CFAP299: variants seen among roughly 807,000 people sequenced by gnomAD.
CFAP299 encodes the protein cilia- and flagella-associated protein 299.
CFAP299 carries 21 observed loss-of-function variants against 27.0 expected under a neutral mutation model. The ratio of observed to expected loss-of-function variants is 0.78; its 90% CI spans 0.55 to 1.12. The LOEUF (loss-of-function observed/expected upper bound fraction) is 1.12, where lower values mean the gene tolerates loss of function less well. Ranked by LOEUF, CFAP299 falls within the 50% of genes most tolerant of loss-of-function variation. CFAP299 has a pLI of 0.00. For synonymous variants in CFAP299, 104 were observed against 98.1 expected, an observed-to-expected ratio of 1.06 and a Z score of -0.36; for missense variants, 310 against 276.6, an observed-to-expected ratio of 1.12 and a Z score of -0.86.
intron 2 of CFAP299, among the ~76,000 whole-genome samples, chr4:80,433,499 T>C (rs1267604148): frequency 2.0e-5 from 3 of 152,206 alleles, no homozygotes; most frequent in Non-Finnish European, 4.4e-5. Context: ...AAAACTATAA[T>C]TGAATATTTT....
intron 3 of CFAP299, among the ~76,000 whole-genome samples, chr4:80,736,427 T>C (rs1723876682): frequency 6.6e-6 from 1 of 151,864 alleles, no homozygotes; most frequent in Non-Finnish European, 1.5e-5. Flanking sequence ...GACAAAGGGC[T>C]AATATCCACA....
chr4:80,773,797 A>G (rs962924334), intron 3 of CFAP299, among the ~76,000 whole-genome samples: 1 of 151,948 alleles, frequency 6.6e-6, no homozygotes, highest in African/African-American at 2.4e-5. Context: ...TCTTTTAGAA[A>G]TTGTAATTTC....
intron 3 of CFAP299, among the ~76,000 whole-genome samples, chr4:80,653,636 T>C (rs1435735169): frequency 4.6e-5 from 7 of 152,148 alleles, no homozygotes; most frequent in African/African-American, 1.7e-4. Context: ...CTTCCATTTA[T>C]ATTCGTTTTG....
chr4:80,824,621 G>T (rs929000222), intron 3 of CFAP299, among the ~76,000 whole-genome samples: 1 of 152,122 alleles, frequency 6.6e-6, no homozygotes, highest in African/African-American at 2.4e-5. Context: ...GGATATGTAT[G>T]AGAGAAATTA....
intron 1 of CFAP299, among the ~76,000 whole-genome samples, chr4:80,354,645 A>G (rs886347657): frequency 2.0e-5 from 3 of 152,102 alleles, no homozygotes; most frequent in Non-Finnish European, 2.9e-5. Flanking sequence ...TACCCATAGT[A>G]GTTTTTCCTG....
intron 4 of CFAP299, among the ~76,000 whole-genome samples, chr4:80,941,749 G>A (rs1320808332): frequency 6.6e-6 from 1 of 152,138 alleles, no homozygotes; most frequent in African/African-American, 2.4e-5. Flanking sequence ...ATGCTTTTGG[G>A]GAGGTCTTAG....
Position 80,739,973 on chromosome 4 carries a change from G to A in CFAP299, c.334-130020G>A, listed in dbSNP as rs565959471. 1.9e-3 allele frequency among the ~76,000 whole-genome samples: 293 copies of A among 151,958 alleles called. 1 individual carries two copies. Among genetic ancestry groups the A allele is most frequent in the Non-Finnish European group, 3.4e-3 (229 of 67,968 alleles). On this transcript the variant is annotated intron_variant, in intron 3 of 5. Transcript: ENST00000358105. ...TGATGCATTCTTCATCATGTCATTT[G>A]CATTTTTAAACTCTAACATTTCTGC...
intron 2 of CFAP299, among the ~76,000 whole-genome samples, chr4:80,400,288 C>T (rs1029461068): frequency 6.6e-5 from 10 of 152,122 alleles, no homozygotes; most frequent in East Asian, 5.8e-4. Context: ...ACTTGTTTAA[C>T]GCTCACAACT....
intron 1 of CFAP299, among the ~76,000 whole-genome samples, chr4:80,338,743 A>G (rs891458151): frequency 1.3e-5 from 2 of 152,254 alleles, no homozygotes; most frequent in Non-Finnish European, 2.9e-5. Flanking sequence ...TTGACCTCAG[A>G]AACCTAAGTA....
chr4:80,454,111 T>TAA (rs1729031923), intron 2 of CFAP299, among the ~76,000 whole-genome samples: 1 of 152,062 alleles, frequency 6.6e-6, no homozygotes, highest in African/African-American at 2.4e-5. Flanking sequence ...TGACAATTTT[T>TAA]GCAATTTTCT....
chr4:80,399,021 G>C (rs988960720), intron 2 of CFAP299, among the ~76,000 whole-genome samples: 1 of 140,282 alleles, frequency 7.1e-6, no homozygotes, highest in Non-Finnish European at 1.6e-5. Context: ...CCATCAAAAA[G>C]TGGGTGAAAG....
chr4:80,945,505 A>G (rs898902041), intron 5 of CFAP299, among the ~76,000 whole-genome samples: 1 of 152,202 alleles, frequency 6.6e-6, no homozygotes, highest in Non-Finnish European at 1.5e-5. Flanking sequence ...CAAAGACTGC[A>G]TTTGAATCAT....
chr4:80,690,151 A>G (rs938510623), intron 3 of CFAP299, among the ~76,000 whole-genome samples: 2 of 142,080 alleles, frequency 1.4e-5, no homozygotes, highest in Non-Finnish European at 2.9e-5. Context: ...GAAAATCAAC[A>G]AGGATACCCA....
chr4:80,902,580 A>AAT (rs372604502), intron 4 of CFAP299, among the ~76,000 whole-genome samples: 2,524 of 82,412 alleles, frequency 0.031, 92 homozygotes, highest in African/African-American at 0.071. Flanking sequence ...ATATATATGT[A>AAT]ATATATACAC....
At chr4:80,900,271 T>G (rs1734822398) in intron 4 of CFAP299, among the ~76,000 whole-genome samples, 2 of 152,158 alleles carry the variant, frequency 1.3e-5, no homozygotes, top group South Asian at 4.2e-4. Flanking sequence ...GAAAGGCATT[T>G]ACATAATTCT....
intron 2 of CFAP299, among the ~76,000 whole-genome samples, chr4:80,541,180 CTG>C (rs1389225971): frequency 3.3e-5 from 5 of 152,218 alleles, no homozygotes; most frequent in East Asian, 3.9e-4. Context: ...GTGAAGATAA[CTG>C]TGAGAAATAC....
chr4:80,901,408 G>C (rs1456103639), intron 4 of CFAP299, among the ~76,000 whole-genome samples: 1 of 152,084 alleles, frequency 6.6e-6, no homozygotes, highest in Admixed American at 6.6e-5. Context: ...GTTATGCAAT[G>C]GGTGTTTTTT....
At chr4:80,745,214 A>G (rs992702918) in intron 3 of CFAP299, among the ~76,000 whole-genome samples, 2 of 152,170 alleles carry the variant, frequency 1.3e-5, no homozygotes, top group African/African-American at 2.4e-5. Context: ...TGTGAATTAC[A>G]TATTGTTGTC....
chr4:80,617,804 T>G (rs1459892452), intron 3 of CFAP299, among the ~76,000 whole-genome samples: 1 of 152,118 alleles, frequency 6.6e-6, no homozygotes, highest in Admixed American at 6.6e-5. Context: ...AGGGTAAGCA[T>G]TTTGATATGT....
Sources: allele counts gnomAD v4.1 joint callset (sites outside exome capture counted in the v4.1 genomes callset), GRCh38; gene constraint gnomAD v4.1.1; transcripts MANE v1.5; gene names NCBI Gene and HGNC (gene_info 2026-07-23, HGNC 2026-07-21).